The following SLIT3 variants were observed in gnomAD, a reference collection of about 807,000 sequenced individuals.
SLIT3 encodes slit homolog 3 protein.
In SLIT3, 68 loss-of-function variants were observed where a neutral mutation model predicts 184.0. That is an observed-to-expected ratio of 0.37 (90% confidence interval 0.30 to 0.45). The LOEUF is 0.45. SLIT3 is among the 20% of genes least tolerant of loss of function. The probability of loss-of-function intolerance (pLI) is 1.00; values close to 1 mark genes in which losing one functional copy is unlikely to be tolerated. For synonymous variants in SLIT3, 831 were observed against 828.6 expected (o/e 1.00, Z -0.05); for missense variants, 1,707 against 2,026.0 (o/e 0.84, Z 3.02).
chr5:168,947,994 G>A (rs534594139), intron 4 of SLIT3, among the ~76,000 whole-genome samples: 6 of 152,126 alleles, frequency 3.9e-5, no homozygotes, highest in Non-Finnish European at 7.4e-5. Context: ...GTCTCGCCAT[G>A]TTGGCCAGGC....
intron 5 of SLIT3, among the ~76,000 whole-genome samples, chr5:168,868,532 G>A (rs143357469): frequency 0.014 from 2,154 of 152,044 alleles, 62 homozygotes; most frequent in African/African-American, 0.049. Flanking sequence ...GGCGGATCAC[G>A]AGGTCAAGAG....
intron 20 of SLIT3, among the ~76,000 whole-genome samples, chr5:168,737,272 A>G (rs1268193069): frequency 1.3e-5 from 2 of 151,810 alleles, no homozygotes; most frequent in East Asian, 3.9e-4. Context: ...TGGACCCCAG[A>G]CCTCCATCCC....
At chr5:168,834,686 CAAAAAAAAAAAAAAAAAAAAAAAAAAAA>C (rs540528948) in intron 6 of SLIT3, among the ~76,000 whole-genome samples, 1 of 37,414 alleles carries the variant, frequency 2.7e-5, no homozygotes, top group South Asian at 1.1e-3. Flanking sequence ...GACTCTGTCT[CAAAAAAAAAAAAAAAAAAAAAAAAAAAA>C]AAAAAAAAAA....
At chr5:168,958,442 C>CTTA (rs991683970) in intron 4 of SLIT3, among the ~76,000 whole-genome samples, 9 of 152,326 alleles carry the variant, frequency 5.9e-5, no homozygotes, top group African/African-American at 2.2e-4. Context: ...TGCATTCTCT[C>CTTA]TTAATCCTCA....
At chr5:168,937,314 G>A (rs1762189538) in intron 4 of SLIT3, among the ~76,000 whole-genome samples, 1 of 152,150 alleles carries the variant, frequency 6.6e-6, no homozygotes, top group Admixed American at 6.5e-5. Flanking sequence ...TTAAAGTGTT[G>A]TGAGCAGGAG....
intron 4 of SLIT3, among the ~76,000 whole-genome samples, chr5:169,187,555 C>CTTTTTTTTTTT (rs796812191): frequency 1.1e-5 from 1 of 89,048 alleles, no homozygotes; most frequent in African/African-American, 5.3e-5. Context: ...TTCTTTCTTT[C>CTTTTTTTTTTT]TTTCTTTTTT....
intron 4 of SLIT3, among the ~76,000 whole-genome samples, chr5:169,152,348 A>G (rs1325204421): frequency 6.6e-6 from 1 of 152,186 alleles, no homozygotes; most frequent in Non-Finnish European, 1.5e-5. Context: ...GGAAGGGGAG[A>G]CTCGAACCTG....
rs1339369868 is a variant in SLIT3 at position 168,748,450 on chromosome 5, G to A, written c.2138-16C>T. 3.3e-6 allele frequency: 5 copies of A among 1,517,260 alleles called. No homozygotes were observed. Among genetic ancestry groups the A allele is most frequent in the African/African-American group, 1.5e-5 (1 of 68,560 alleles). The allele number at this position is 1,517,260 out of a possible 1,614,324, so 94.0% of individuals were successfully genotyped here. A position where few individuals can be genotyped will look rare whatever the true frequency, so the allele number is the denominator to read the frequency against. ...TCCTCGTTGCCTGTGGAGAGCCCCA[G>A]AGAGGGTGAGGGTTGTGGGAGATAA... On this transcript the variant is annotated splice_polypyrimidine_tract_variant and intron_variant, in intron 19 of 35. Coordinates refer to ENST00000519560, the MANE Select transcript of SLIT3 (RefSeq NM_003062.4).
At position 168,663,795 on chromosome 5, in the gene SLIT3, A is replaced by G. The variant is rs1257870162; in HGVS notation, c.*2659T>C. On this transcript the variant is annotated 3_prime_UTR_variant, in exon 36 of 36. Coordinates refer to ENST00000519560, the MANE Select transcript of SLIT3 (RefSeq NM_003062.4). ...CTCTGGCAAACTCCTATTCATCCTT[A>G]AAGACCTAGGACTAGAAGTTCCCTC... The G allele has an allele frequency of 3.3e-5, 5 of 152,208 alleles. No individual in the cohort carries two copies. Among genetic ancestry groups the G allele is most frequent in the Admixed American group, 1.3e-4 (2 of 15,282 alleles). The allele number at this position is 152,208 out of a possible 1,614,324, so 9.4% of individuals were successfully genotyped here. A position where few individuals can be genotyped will look rare whatever the true frequency, so the allele number is the denominator to read the frequency against.
chr5:168,708,668 C>T (rs750008313), intron 25 of SLIT3: 107 of 156,552 alleles, frequency 6.8e-4, no homozygotes, highest in Non-Finnish European at 1.2e-3. Flanking sequence ...CGTCTGTGAC[C>T]GTTTCAGCCG....
intron 4 of SLIT3, among the ~76,000 whole-genome samples, chr5:168,912,520 A>G (rs1431897969): frequency 6.6e-6 from 1 of 152,188 alleles, no homozygotes; most frequent in Non-Finnish European, 1.5e-5. Context: ...CAGAGCCAGA[A>G]AGCAGTAGAG....
At chr5:168,747,854 G>T (rs997326133) in intron 20 of SLIT3, among the ~76,000 whole-genome samples, 2 of 152,190 alleles carry the variant, frequency 1.3e-5, no homozygotes, top group Middle Eastern at 6.8e-3. Flanking sequence ...CGTGGAATAG[G>T]ATCCTATTCA....
At chr5:168,980,768 T>C (rs1328752326) in intron 4 of SLIT3, among the ~76,000 whole-genome samples, 1 of 152,232 alleles carries the variant, frequency 6.6e-6, no homozygotes, top group Non-Finnish European at 1.5e-5. Context: ...AAAGTAATTA[T>C]ATGGTACTGA....
At chr5:168,937,981 T>C (rs1007963049) in intron 4 of SLIT3, among the ~76,000 whole-genome samples, 5 of 152,058 alleles carry the variant, frequency 3.3e-5, no homozygotes, top group Admixed American at 6.5e-5. Flanking sequence ...AAGTATACAA[T>C]GCAGTCATAA....
At chr5:169,008,748 G>T (rs1357741941) in intron 4 of SLIT3, among the ~76,000 whole-genome samples, 1 of 152,118 alleles carries the variant, frequency 6.6e-6, no homozygotes, top group Non-Finnish European at 1.5e-5. Flanking sequence ...TGATCCTCCT[G>T]CCTTGCATCC....
At chr5:168,865,783 C>T (rs958370127) in intron 5 of SLIT3, among the ~76,000 whole-genome samples, 3 of 152,088 alleles carry the variant, frequency 2.0e-5, no homozygotes, top group Non-Finnish European at 2.9e-5. Flanking sequence ...GGTTTATGTC[C>T]TTCAGGCTTT....
At chr5:168,821,845 T>G (rs2113666853) in intron 7 of SLIT3, among the ~76,000 whole-genome samples, 1 of 152,342 alleles carries the variant, frequency 6.6e-6, no homozygotes, top group Admixed American at 6.5e-5. Context: ...AGCTCCCATT[T>G]AAACTCAGGC....
intron 32 of SLIT3, among the ~76,000 whole-genome samples, chr5:168,681,315 C>A (rs1228591278): frequency 3.9e-5 from 6 of 152,180 alleles, no homozygotes; most frequent in Non-Finnish European, 8.8e-5. Context: ...GGCCCCTGCA[C>A]CTAGCCCAGG....
rs1017910943 is a variant in SLIT3 at position 168,753,182 on chromosome 5, A to G, written c.1830-84T>C. 74 of 1,421,384 alleles carry G rather than the reference A, an allele frequency of 5.2e-5. No homozygotes were observed. The South Asian group carries it at 8.7e-4, about 17-fold the overall frequency. 88.0% of individuals were successfully genotyped at this position (1,421,384 alleles called of 1,614,324 possible). A position where few individuals can be genotyped will look rare whatever the true frequency, so the allele number is the denominator to read the frequency against. ...GTGCCACGGTGGTGTGTGTGTGTGT[A>G]TAGGTGAGATGCTTTTGCCAATTCT... On this transcript the variant is annotated intron_variant, in intron 17 of 35. Transcript: ENST00000519560.
Sources: gnomAD v4.1 joint callset for allele counts (sites outside exome capture counted in the v4.1 genomes callset) on GRCh38, gnomAD v4.1.1 for gene constraint, MANE v1.5 for transcripts, NCBI Gene and HGNC (gene_info 2026-07-23, HGNC 2026-07-21) for gene names.